SLC16A12: variants seen among roughly 807,000 people sequenced by gnomAD.
SLC16A12 encodes the protein monocarboxylate transporter 12.
In SLC16A12, 17 loss-of-function variants were observed where a neutral mutation model predicts 42.4. That is an observed-to-expected ratio of 0.40 (90% CI 0.27 to 0.60). SLC16A12 has a LOEUF of 0.60. Ranked by LOEUF, SLC16A12 falls within the 20% of genes least tolerant of loss-of-function variation. The probability of loss-of-function intolerance (pLI) is 0.42; values close to 1 mark genes in which losing one functional copy is unlikely to be tolerated. For missense variants in SLC16A12, 544 were observed against 623.0 expected, an observed-to-expected ratio of 0.87 and a Z score of 1.35; for synonymous variants, 224 against 229.4, an observed-to-expected ratio of 0.98 and a Z score of 0.21.
chr10:89,437,601 G>T (rs1374466395), intron 6 of SLC16A12, among the ~76,000 whole-genome samples: 1 of 151,908 alleles, frequency 6.6e-6, no homozygotes, highest in Non-Finnish European at 1.5e-5. Flanking sequence ...ATTTGATTGT[G>T]AAAATAGGTA....
upstream of SLC16A12, among the ~76,000 whole-genome samples, chr10:89,539,856 T>TC (rs1326432412): frequency 4.5e-3 from 658 of 145,364 alleles, 3 homozygotes; most frequent in African/African-American, 0.012. Context: ...AAGAAACAAA[T>TC]TTTTCTTTCT....
intron 2 of SLC16A12, among the ~76,000 whole-genome samples, chr10:89,463,635 TA>T (rs1220476613): frequency 2.0e-5 from 3 of 152,204 alleles, no homozygotes; most frequent in Non-Finnish European, 4.4e-5. Context: ...TTGTCTAAAT[TA>T]AAATTTAACA....
chr10:89,468,867 C>A (rs149689592), intron 2 of SLC16A12, among the ~76,000 whole-genome samples: 232 of 152,280 alleles, frequency 1.5e-3, no homozygotes, highest in African/African-American at 5.2e-3. Flanking sequence ...CAATGACTCA[C>A]ACCTGTAATC....
rs558370724 is a variant in SLC16A12, at chr10:89,449,898, C to T, written c.201-6039G>A. On this transcript the variant is annotated intron_variant, in intron 3 of 7. Coordinates refer to ENST00000371790, the MANE Select transcript of SLC16A12 (RefSeq NM_213606.4). ...AATATCCAGAATCTACAAAGAACTT[C>T]AACAAATTTACAAGAAAAAAATCAA... Among the ~76,000 whole-genome samples the T allele has an allele frequency of 9.9e-5, 15 of 152,046 alleles. No homozygotes were observed. The South Asian group carries it at 2.5e-3, about 25-fold the overall frequency.
At chr10:89,535,725 T>A (rs1173648043), upstream of SLC16A12, among the ~76,000 whole-genome samples, 1 of 151,486 alleles carries the variant, frequency 6.6e-6, no homozygotes, top group Non-Finnish European at 1.5e-5. Context: ...CGCGCGGACA[T>A]GCCCCCGGGG....
chr10:89,485,332 A>T (rs1842728412), intron 2 of SLC16A12, among the ~76,000 whole-genome samples: 3 of 152,218 alleles, frequency 2.0e-5, no homozygotes, highest in Non-Finnish European at 4.4e-5. Flanking sequence ...CCTGATATAG[A>T]CTTAGAGCAA....
intron 2 of SLC16A12, among the ~76,000 whole-genome samples, chr10:89,479,651 C>T (rs918454251): frequency 1.3e-5 from 2 of 152,136 alleles, no homozygotes; most frequent in East Asian, 1.9e-4. Context: ...TCCTACCCCA[C>T]GGAGTTGTTG....
chr10:89,552,765 C>T (rs1212385906), intron 2 of SLC16A12, among the ~76,000 whole-genome samples: 6 of 152,080 alleles, frequency 3.9e-5, no homozygotes, highest in East Asian at 1.9e-4. Flanking sequence ...AAGTGAGATG[C>T]GAACTAAGAC....
intron 2 of SLC16A12, among the ~76,000 whole-genome samples, chr10:89,501,285 A>G (rs1403883377): frequency 6.6e-6 from 1 of 152,244 alleles, no homozygotes; most frequent in African/African-American, 2.4e-5. Context: ...ATTATTCTTC[A>G]CAGAATTAGA....
chr10:89,472,990 G>A (rs1842524539), intron 2 of SLC16A12, among the ~76,000 whole-genome samples: 1 of 151,482 alleles, frequency 6.6e-6, no homozygotes, highest in African/African-American at 2.4e-5. Flanking sequence ...ACCAATTTTT[G>A]TATTTTTTTG....
chr10:89,467,473 G>A (rs929350594), intron 2 of SLC16A12, among the ~76,000 whole-genome samples: 15 of 152,080 alleles, frequency 9.9e-5, no homozygotes, highest in Admixed American at 7.9e-4. Context: ...TTTAACAACC[G>A]GGAAGTGTTT....
chr10:89,439,242 A>G, intron 5 of SLC16A12, 59 bp from the exon 6 acceptor site: 3 of 1,459,072 alleles, frequency 2.1e-6, no homozygotes, highest in Non-Finnish European at 2.9e-6. Flanking sequence ...ATGATATCTC[A>G]GAATACAATG....
rs151256276 is a variant in SLC16A12, at chr10:89,548,199, T to C, written c.-47+7683A>G. ...CATTGATGAGAATGGAGAAAATCAATAGGACAAAGTGACTGATTAGATATG... is the reference window on the plus strand; with the variant it reads ...CATTGATGAGAATGGAGAAAATCAACAGGACAAAGTGACTGATTAGATATG... On this transcript the variant is annotated intron_variant, in intron 2 of 2. Coordinates refer to the SLC16A12 transcript ENST00000475682. 1.4e-4 allele frequency among the ~76,000 whole-genome samples: 21 copies of C among 152,198 alleles called. No homozygotes were observed. The East Asian group carries it at 2.7e-3, about 20-fold the overall frequency.
intron 2 of SLC16A12, among the ~76,000 whole-genome samples, chr10:89,501,083 A>G (rs188206400): frequency 1.3e-5 from 2 of 152,348 alleles, no homozygotes; most frequent in East Asian, 3.9e-4. Context: ...AAACCTTAGG[A>G]ATATACCTAA....
intron 3 of SLC16A12, among the ~76,000 whole-genome samples, chr10:89,449,395 G>T: frequency 6.6e-6 from 1 of 152,200 alleles, no homozygotes; most frequent in Admixed American, 6.5e-5. Context: ...GCATGGTACT[G>T]GTACCAAAAC....
chr10:89,469,357 A>G (rs923223946), intron 2 of SLC16A12, among the ~76,000 whole-genome samples: 2 of 152,244 alleles, frequency 1.3e-5, no homozygotes, highest in Admixed American at 1.3e-4. Context: ...TCTTTACTTT[A>G]GAAAAATCAT....
intron 2 of SLC16A12, among the ~76,000 whole-genome samples, chr10:89,498,120 G>A (rs1342103795): frequency 6.6e-6 from 1 of 152,090 alleles, no homozygotes; most frequent in Non-Finnish European, 1.5e-5. Context: ...TGGGCAACAT[G>A]GCGAAACCCA....
At chr10:89,526,136 G>A (rs116016925) in intron 2 of SLC16A12, among the ~76,000 whole-genome samples, 139 of 151,418 alleles carry the variant, frequency 9.2e-4, no homozygotes, top group African/African-American at 2.8e-3. Context: ...GCTACCCCCC[G>A]CCCCCACACA....
chr10:89,441,215 C>T lies in SLC16A12; in HGVS notation c.341G>A (p.Cys114Tyr). Residue 114 changes from cysteine (C) to tyrosine (Y), a missense_variant, in exon 5 of 8, where the codon TGT (cysteine) becomes TAT (tyrosine). Physicochemically the swap from Cys to Tyr is radical, Grantham distance 194. Coordinates refer to ENST00000371790, the MANE Select transcript of SLC16A12 (RefSeq NM_213606.4). ...LGSVVSNHLS[C>Y]QVGIMLGGLL... ...GCCACCCAGCATGATTCCCACTTGACAGGATAAATGGTTACTGACAACACT... is the reference window on the plus strand; with the variant it reads ...GCCACCCAGCATGATTCCCACTTGATAGGATAAATGGTTACTGACAACACT... 3 of 1,614,010 alleles carry T rather than the reference C, an allele frequency of 1.9e-6. No homozygotes were observed. Among genetic ancestry groups the T allele is most frequent in the Non-Finnish European group, 2.5e-6 (3 of 1,179,972 alleles).
Sources: allele counts gnomAD v4.1 joint callset (sites outside exome capture counted in the v4.1 genomes callset), GRCh38; gene constraint gnomAD v4.1.1; transcripts MANE v1.5; gene names NCBI Gene and HGNC (gene_info 2026-07-23, HGNC 2026-07-21).